COL6A1: variants seen among roughly 807,000 people sequenced by gnomAD.
COL6A1 encodes collagen alpha-1(VI) chain.
A neutral mutation model predicts 145.6 loss-of-function variants in COL6A1; 80 were observed. The observed-to-expected ratio is 0.55, with a 90% CI of 0.46 to 0.66. The LOEUF (loss-of-function observed/expected upper bound fraction) is 0.66, where lower values mean the gene tolerates loss of function less well. Among genes scored for constraint, COL6A1 ranks in the 30% least tolerant of loss-of-function variants. COL6A1 has a pLI of 0.00. For synonymous variants in COL6A1, 638 were observed against 622.8 expected (o/e 1.02, Z -0.36); for missense variants, 1,364 against 1,473.8 (o/e 0.93, Z 1.22).
At chr21:45,983,161 C>A (rs1267614583) in intron 2 of COL6A1, among the ~76,000 whole-genome samples, 1 of 152,222 alleles carries the variant, frequency 6.6e-6, no homozygotes, top group Non-Finnish European at 1.5e-5. Flanking sequence ...ACCACCTGGA[C>A]CCTGGTTTGT....
intron 11 of COL6A1, 122 bp downstream of exon 11, chr21:45,989,900 TC>T: frequency 1.5e-6 from 2 of 1,304,158 alleles, no homozygotes; most frequent in Non-Finnish European, 2.2e-6. Context: ...GCAGACCCGC[TC>T]CACCGCCCCT....
chr21:45,992,252 T>A, intron 17 of COL6A1, 35 bp downstream of exon 17: 1 of 1,613,612 alleles, frequency 6.2e-7, no homozygotes, highest in South Asian at 1.1e-5. Context: ...CCTGGGGAAG[T>A]GCATGGCCTC....
At chr21:45,982,061 C>T (rs947556655) in intron 1 of COL6A1, 114 bp downstream of exon 1, 1 of 873,570 alleles carries the variant, frequency 1.1e-6, no homozygotes, top group African/African-American at 1.7e-5. Context: ...GGCCTGGAGC[C>T]CCTGAACCCC....
At chr21:45,990,655 CTA>C in intron 13 of COL6A1, 116 bp from the exon 14 acceptor site, 1 of 954,548 alleles carries the variant, frequency 1.0e-6, no homozygotes, top group Non-Finnish European at 1.7e-6. Flanking sequence ...GGGGTGTCTG[CTA>C]GGCAGGGCTT....
At position 45,994,729 on chromosome 21, in the gene COL6A1, G is replaced by C. The variant is rs765955588; in HGVS notation, c.1398+500G>C. ...CCTTCTCCGAGCCTCTGGAATCGCT[G>C]TGCACGCCGCACGGCTTTCTGTCTC... is the stretch of plus-strand genomic sequence containing the variant. On this transcript the variant is annotated intron_variant, in intron 20 of 34. Transcript: ENST00000361866. This position sits in a 1 kb window ranked among gnomAD's most constrained non-coding sequence, Gnocchi z 6.8. Among the ~76,000 whole-genome samples, 1 of 152,192 alleles carries C rather than the reference G, an allele frequency of 6.6e-6. No individual in the cohort carries two copies. Among genetic ancestry groups the C allele is most frequent in the Non-Finnish European group, 1.5e-5 (1 of 68,032 alleles).
At position 45,998,127 on chromosome 21, in the gene COL6A1, G is replaced by C. The variant is rs2077817086; in HGVS notation, c.1531G>C (p.Asp511His). The C allele has an allele frequency of 6.2e-7, 1 of 1,612,236 alleles. No individual in the cohort carries two copies. Among genetic ancestry groups the C allele is most frequent in the Non-Finnish European group, 8.5e-7 (1 of 1,179,730 alleles). The change falls in exon 23 of 35, where the codon GAC becomes CAC. Residue 511 changes from aspartate (D) to histidine (H), a missense_variant. By Grantham distance (81) the Asp-to-His change is moderately conservative (BLOSUM62 -1). Transcript: ENST00000361866. ...GGCTACTCTGCTCCCCCAGGGAGAA[G>C]ACGGCCCCGCTGGAAATGGCACCGA... Reference protein sequence around the residue: ...DPGLMGERGEDGPAGNGTEGF... With the variant: ...DPGLMGERGEHGPAGNGTEGF...
rs1232828737 is a variant in COL6A1, at chr21:45,982,735, A to C, written c.199A>C (p.Lys67Gln). 1 of 1,612,676 alleles carries C rather than the reference A, an allele frequency of 6.2e-7. No individual in the cohort carries two copies. The highest frequency in any genetic ancestry group is 1.7e-5 in the Admixed American group (1 of 60,024). ...CGTGGACAAAGTCAAGTCCTTCACC[A>C]AGCGCTTCATCGACAACCTGAGGGA... ...ALVDKVKSFT[K>Q]RFIDNLRDRY... Residue 67 changes from lysine (K) to glutamine (Q), a missense_variant, in exon 2 of 35, where the codon AAG becomes CAG. By Grantham distance (53) the Lys-to-Gln change is moderately conservative (BLOSUM62 1). Coordinates refer to ENST00000361866, the MANE Select transcript of COL6A1 (RefSeq NM_001848.3).
At position 46,001,351 on chromosome 21, in the gene COL6A1, G is replaced by T; in HGVS notation, c.1921G>T (p.Val641Phe). The change falls in exon 30 of 35, where the codon GTC becomes TTC. Residue 641 changes from valine (V) to phenylalanine (F), a missense_variant. By Grantham distance (50) the Val-to-Phe change is conservative. This residue lies in a region of COL6A1 where 938 missense variants were observed against 1,003.8 expected (regional missense o/e 0.93). Transcript: ENST00000361866. ...GATTGCCAAGGACTTCGTCGTCAAG[G>T]TCATCGACCGGCTGAGCCGGGACGA... Reference protein sequence around the residue: ...FEIAKDFVVKVIDRLSRDELV... With the variant: ...FEIAKDFVVKFIDRLSRDELV... 6.2e-7 allele frequency: 1 copy of T among 1,612,608 alleles called. No homozygotes were observed. The highest frequency in any genetic ancestry group is 1.7e-5 in the Admixed American group (1 of 60,030).
At chr21:45,982,289 G>A (rs11910925) in intron 1 of COL6A1, among the ~76,000 whole-genome samples, 244 of 143,034 alleles carry the variant, frequency 1.7e-3, no homozygotes, top group African/African-American at 6.0e-3. Context: ...CGGCCCCCCC[G>A]ACCCCCGTTC....
chr21:45,993,984 G>C (rs1389419220), intron 19 of COL6A1, among the ~76,000 whole-genome samples, 183 bp from the exon 20 acceptor site: 2 of 152,210 alleles, frequency 1.3e-5, no homozygotes, highest in African/African-American at 4.8e-5. Flanking sequence ...AGCCAGCCAC[G>C]CCGATGGCCA....
At chr21:45,993,305 A>G (rs924029392) in intron 19 of COL6A1, among the ~76,000 whole-genome samples, 3 of 152,182 alleles carry the variant, frequency 2.0e-5, no homozygotes, top group African/African-American at 4.8e-5. Flanking sequence ...GCCCAGCCTC[A>G]GGGTGCAGAA....
chr21:46,002,051 A>C lies in COL6A1; in HGVS notation c.2047A>C (p.Asn683His), dbSNP rs776604542. ...GAGCCTGCGCAGCCCCAGCATCCGG[A>C]ACGTGCAGGAGCTCAAGGAGTGAGT... ...HVSLRSPSIRNVQELKEAIKS... is the reference protein window; with the variant it reads ...HVSLRSPSIRHVQELKEAIKS... Residue 683 changes from asparagine (N) to histidine (H), a missense_variant, in exon 31 of 35, where the codon AAC becomes CAC. By Grantham distance (68) the Asn-to-His change is moderately conservative (BLOSUM62 1). Coordinates refer to ENST00000361866, the MANE Select transcript of COL6A1 (RefSeq NM_001848.3). The C allele has an allele frequency of 5.0e-6, 8 of 1,611,884 alleles. No homozygotes were observed. Among genetic ancestry groups the C allele is most frequent in the Non-Finnish European group, 6.8e-6 (8 of 1,179,708 alleles).
At position 46,004,775 on chromosome 21, in the gene COL6A1, G is replaced by A; in HGVS notation, c.*762G>A. On this transcript the variant is annotated 3_prime_UTR_variant, in exon 35 of 35. Coordinates refer to ENST00000361866, the MANE Select transcript of COL6A1 (RefSeq NM_001848.3). Reference sequence around the variant, plus strand: ...GAGAGTACTCGCAGGGGCGCTGGCTGCACTCAAGACCCTCGAGATTAACGG... The same window carrying A: ...GAGAGTACTCGCAGGGGCGCTGGCTACACTCAAGACCCTCGAGATTAACGG... The A allele has an allele frequency of 2.4e-6, 1 of 422,852 alleles. No individual in the cohort carries two copies. Among genetic ancestry groups the A allele is most frequent in the Non-Finnish European group, 4.8e-6 (1 of 207,920 alleles). The allele number at this position is 422,852 out of a possible 1,614,324, so 26.2% of individuals were successfully genotyped here.
chr21:45,991,219 C>T (rs1034622315), intron 15 of COL6A1, among the ~76,000 whole-genome samples, 178 bp downstream of exon 15: 7 of 152,210 alleles, frequency 4.6e-5, no homozygotes, highest in South Asian at 2.1e-4. Context: ...CAGTGCCCAC[C>T]GTGGGGACAG....
Position 46,002,754 on chromosome 21 carries a change from C to G in COL6A1, c.2434+44C>G, listed in dbSNP as rs374202763. On this transcript the variant is annotated intron_variant, in intron 33 of 34. Transcript: ENST00000361866. ...GGGCAGTCCCAGATCTGCGTAGGTG[C>G]GCGCGGGGCCGCCCGGGCAGTCCCA... 100 of 1,551,722 alleles carry G rather than the reference C, an allele frequency of 6.4e-5. 4 individuals carry two copies. The South Asian group carries it at 1.2e-3, about 18-fold the overall frequency.
chr21:45,986,850 G>T, intron 4 of COL6A1, 94 bp from the exon 5 acceptor site: 1 of 1,527,738 alleles, frequency 6.5e-7, no homozygotes, highest in South Asian at 1.2e-5. Flanking sequence ...AGCCTGGAGC[G>T]CCCCAGCCCA....
intron 30 of COL6A1, 62 bp downstream of exon 30, chr21:46,001,448 C>T: frequency 6.3e-7 from 1 of 1,593,562 alleles, no homozygotes; most frequent in Non-Finnish European, 8.5e-7. Context: ...GCCGGCCGCC[C>T]CTGCCCGCGC....
chr21:45,982,690 C>G lies in COL6A1; in HGVS notation c.154C>G (p.Leu52Val). The G allele has an allele frequency of 6.2e-7, 1 of 1,612,878 alleles. No individual in the cohort carries two copies. Among genetic ancestry groups the G allele is most frequent in the South Asian group, 1.1e-5 (1 of 91,090 alleles). ...LDTSESVALRLKPYGALVDKV... is the reference protein window; with the variant it reads ...LDTSESVALRVKPYGALVDKV... ...CACCTCTGAGAGCGTGGCCCTGAGG[C>G]TGAAGCCCTACGGGGCCCTCGTGGA... is the stretch of plus-strand genomic sequence containing the variant. Residue 52 changes from leucine to valine, a missense_variant, in exon 2 of 35, where the codon CTG becomes GTG. Leu to Val is a conservative substitution (Grantham distance 32, BLOSUM62 1). Around this residue, in one of 3 missense-constraint regions of COL6A1, gnomAD observed 414 missense variants for 437.6 expected, o/e 0.95. Transcript: ENST00000361866.
intron 3 of COL6A1, among the ~76,000 whole-genome samples, chr21:45,985,478 A>C (rs1305503738): frequency 6.6e-6 from 1 of 152,222 alleles, no homozygotes; most frequent in African/African-American, 2.4e-5. Flanking sequence ...TTTTCCCCAC[A>C]GCATCAACAC....
Sources: gnomAD v4.1 joint callset for allele counts (sites outside exome capture counted in the v4.1 genomes callset) on GRCh38, gnomAD v4.1.1 for gene constraint, gnomAD v4.1.1 regional missense constraint, Gnocchi (gnomAD v3.1) non-coding constraint, MANE v1.5 for transcripts, NCBI Gene and HGNC (gene_info 2026-07-23, HGNC 2026-07-21) for gene names.